The following C16orf74 variants were observed in gnomAD, a reference collection of about 807,000 sequenced individuals.
C16orf74 encodes uncharacterized protein C16orf74.
C16orf74 carries 10 observed loss-of-function variants against 6.5 expected under a neutral mutation model. The observed-to-expected ratio is 1.54, with a 90% CI of 0.95 to 2.61. C16orf74 has a LOEUF of 2.61. Ranked by LOEUF, C16orf74 falls within the 30% of genes most tolerant of loss-of-function variation. The pLI is 0.00. For missense variants in C16orf74, 141 were observed against 105.9 expected (o/e 1.33, Z -1.45); for synonymous variants, 60 against 42.5 (o/e 1.41, Z -1.60).
intron 2 of C16orf74, 74 bp downstream of exon 2, chr16:85,735,116 C>T: frequency 1.5e-6 from 2 of 1,368,774 alleles, no homozygotes. Flanking sequence ...GGCTTCAACT[C>T]CCCTCTCTCC....
intron 1 of C16orf74, among the ~76,000 whole-genome samples, chr16:85,737,847 A>T: frequency 6.6e-6 from 1 of 152,140 alleles, no homozygotes; most frequent in East Asian, 1.9e-4. Flanking sequence ...CAAAAAACAA[A>T]GAACAAGCTT....
intron 2 of C16orf74, among the ~76,000 whole-genome samples, chr16:85,729,465 C>A (rs1182931083): frequency 6.6e-6 from 1 of 152,224 alleles, no homozygotes; most frequent in Non-Finnish European, 1.5e-5. Context: ...ATCTACCACC[C>A]TTGGGCAGAG....
At chr16:85,731,039 CA>C (rs1274617198) in intron 2 of C16orf74, among the ~76,000 whole-genome samples, 1 of 152,220 alleles carries the variant, frequency 6.6e-6, no homozygotes, top group Non-Finnish European at 1.5e-5. Flanking sequence ...CTAGAAACGT[CA>C]AAATCTATTT....
chr16:85,735,624 G>C (rs2152064061), intron 1 of C16orf74, among the ~76,000 whole-genome samples: 1 of 152,102 alleles, frequency 6.6e-6, no homozygotes, highest in Middle Eastern at 3.5e-3. Context: ...GTGAAGACCT[G>C]CCAGCAGGGC....
rs745907453 is a variant in C16orf74, at chr16:85,710,116, C to T, written c.172+48G>A. ...GGACGCCCCTGAGAGCTGTCTCCAC[C>T]GGGCCCCCACAGCCGACCCGGCTTG... On this transcript the variant is annotated intron_variant, in intron 3 of 3. Coordinates refer to ENST00000284245, the MANE Select transcript of C16orf74 (RefSeq NM_206967.3). 1.6e-5 allele frequency: 22 copies of T among 1,362,482 alleles called. No individual in the cohort carries two copies. In the East Asian group the frequency reaches 2.5e-4, roughly 15 times the overall value. The allele number at this position is 1,362,482 out of a possible 1,614,324, so 84.4% of individuals were successfully genotyped here. A position where few individuals can be genotyped will look rare whatever the true frequency, so the allele number is the denominator to read the frequency against.
In C16orf74 at chr16:85,710,246, G is replaced by C. The variant is rs1447642393; in HGVS notation, c.90C>G (p.Asp30Glu). 3 of 1,499,910 alleles carry C rather than the reference G, an allele frequency of 2.0e-6. No individual in the cohort carries two copies. Among genetic ancestry groups the C allele is most frequent in the Non-Finnish European group, 1.8e-6 (2 of 1,136,400 alleles). 92.9% of individuals were successfully genotyped at this position (1,499,910 alleles called of 1,614,324 possible). ...SSHDEAPVLN[D>E]KHLDVPDIII... is the part of the protein sequence containing the mutation. ...TGATGTCGGGCACGTCCAGGTGCTT[G>C]TCGTTCAGGACGGGGGCCTCGTCGT... is the stretch of plus-strand genomic sequence containing the variant. The change falls in exon 3 of 4, where the codon GAC becomes GAG. Residue 30 changes from aspartate (D) to glutamate (E), a missense_variant. Asp to Glu is a conservative substitution (Grantham distance 45). Transcript: ENST00000284245.
intron 2 of C16orf74, among the ~76,000 whole-genome samples, chr16:85,713,188 G>A (rs936237180): frequency 2.6e-5 from 4 of 152,090 alleles, no homozygotes; most frequent in South Asian, 2.1e-4. Flanking sequence ...ACAATCTGGC[G>A]TTCCTAGGCT....
intron 1 of C16orf74, among the ~76,000 whole-genome samples, chr16:85,736,213 G>C (rs189381910): frequency 3.0e-4 from 46 of 152,300 alleles, no homozygotes; most frequent in Non-Finnish European, 6.0e-4. Context: ...TTGGAGTTAA[G>C]AGCTTATTCT....
chr16:85,734,837 C>G (rs933761994), intron 2 of C16orf74, among the ~76,000 whole-genome samples: 3 of 152,154 alleles, frequency 2.0e-5, no homozygotes, highest in Admixed American at 1.3e-4. Flanking sequence ...GATAACAGGC[C>G]CCGGGTGTGT....
intron 2 of C16orf74, among the ~76,000 whole-genome samples, chr16:85,732,151 G>A (rs1202959567): frequency 6.6e-6 from 1 of 152,216 alleles, no homozygotes; most frequent in Non-Finnish European, 1.5e-5. Flanking sequence ...CCAAAGAATG[G>A]CTGGTGCCAC....
At chr16:85,738,966 G>GCC (rs1483854585) in intron 1 of C16orf74, among the ~76,000 whole-genome samples, 1 of 143,434 alleles carries the variant, frequency 7.0e-6, no homozygotes, top group African/African-American at 2.4e-5. Context: ...GGGATTTGAA[G>GCC]CCAGAACTTT....
At chr16:85,715,308 T>C (rs2054012792) in intron 2 of C16orf74, among the ~76,000 whole-genome samples, 1 of 152,102 alleles carries the variant, frequency 6.6e-6, no homozygotes, top group Non-Finnish European at 1.5e-5. Context: ...CCAGACAATC[T>C]ACTGGGGCCG....
chr16:85,719,551 C>T (rs1319832721), intron 2 of C16orf74, among the ~76,000 whole-genome samples: 2 of 152,110 alleles, frequency 1.3e-5, no homozygotes, highest in Non-Finnish European at 2.9e-5. Flanking sequence ...AGGGCACAGC[C>T]TGTTTGCGCA....
At chr16:85,718,891 C>A (rs2054051119) in intron 2 of C16orf74, among the ~76,000 whole-genome samples, 2 of 152,126 alleles carry the variant, frequency 1.3e-5, no homozygotes, top group African/African-American at 4.8e-5. Flanking sequence ...CTGTTCCAGC[C>A]CCGAGTGTGG....
intron 2 of C16orf74, among the ~76,000 whole-genome samples, chr16:85,723,781 T>C (rs1358178075): frequency 6.6e-6 from 1 of 152,220 alleles, no homozygotes; most frequent in Non-Finnish European, 1.5e-5. Context: ...TGGGCAGTAC[T>C]GTGGGGCTGA....
chr16:85,749,182 C>G (rs949699466), intron 1 of C16orf74, among the ~76,000 whole-genome samples: 1 of 152,158 alleles, frequency 6.6e-6, no homozygotes, highest in Non-Finnish European at 1.5e-5. Context: ...TTCAGTACCA[C>G]GGCTCAGGGT....
intron 2 of C16orf74, among the ~76,000 whole-genome samples, chr16:85,724,372 G>A (rs1020267001): frequency 3.3e-5 from 5 of 152,206 alleles, no homozygotes; most frequent in African/African-American, 9.7e-5. Context: ...CAGGGAACGA[G>A]GGGGAGGCTC....
rs116948827 is a variant in C16orf74, at chr16:85,717,763, G to A, written c.29-7456C>T. ...ACAAAGGAGAACACTGAGCTTTGGA[G>A]AAGGGAGGTAACGTGCTGGTAATAC... On this transcript the variant is annotated intron_variant, in intron 2 of 3. Transcript: ENST00000284245. Among the ~76,000 whole-genome samples, 945 of 152,374 alleles carry A rather than the reference G, an allele frequency of 6.2e-3. 3 individuals carry two copies. Among genetic ancestry groups the A allele is most frequent in the Non-Finnish European group, 0.011 (717 of 68,038 alleles).
chr16:85,740,379 A>G (rs2054291558), intron 1 of C16orf74, among the ~76,000 whole-genome samples: 1 of 151,056 alleles, frequency 6.6e-6, no homozygotes, highest in South Asian at 2.1e-4. Context: ...ACATGGTGAA[A>G]CCCCATCTCT....
Sources: gnomAD v4.1 joint callset for allele counts (sites outside exome capture counted in the v4.1 genomes callset) on GRCh38, gnomAD v4.1.1 for gene constraint, MANE v1.5 for transcripts, NCBI Gene and HGNC (gene_info 2026-07-23, HGNC 2026-07-21) for gene names.